The following PRSS2 variants were observed in gnomAD, a reference collection of about 807,000 sequenced individuals.
PRSS2 encodes the protein serine protease 2.
A neutral mutation model predicts 19.2 loss-of-function variants in PRSS2; 19 were observed. The observed-to-expected ratio is 0.99, with a 90% CI of 0.69 to 1.45. The LOEUF is 1.45. Ranked by LOEUF, PRSS2 falls within the 40% of genes most tolerant of loss-of-function variation. The probability of loss-of-function intolerance (pLI) is 0.00; values close to 1 mark genes in which losing one functional copy is unlikely to be tolerated. For missense variants in PRSS2, 288 were observed against 294.4 expected (o/e 0.98, Z 0.16); for synonymous variants, 107 against 117.5 (o/e 0.91, Z 0.58).
rs761731173 is a variant in PRSS2, at chr7:142,772,160, C to T, written c.152C>T (p.Ser51Phe). The change falls in exon 2 of 5, where the codon TCC (serine) becomes TTC (phenylalanine). Residue 51 changes from serine to phenylalanine, a missense_variant. By Grantham distance (155) the Ser-to-Phe change is radical. Coordinates refer to ENST00000539842, the MANE Select transcript of PRSS2 (RefSeq NM_002770.4). ...LNSGYHFCGG[S>F]LISEQWVVSA... is the part of the protein sequence containing the mutation. The stretch of plus-strand genomic sequence containing the variant: ...TCTGGCTACCACTTCTGCGGTGGCT[C>T]CCTCATCAGCGAACAGTGGGTGGTG... 36 of 1,613,754 alleles carry T rather than the reference C, an allele frequency of 2.2e-5. No homozygotes were observed. The highest frequency in any genetic ancestry group is 2.9e-5 in the Non-Finnish European group (34 of 1,179,760).
At chr7:142,772,278 G>A (rs1438360674) in intron 2 of PRSS2, 70 bp downstream of exon 2, 9 of 1,562,860 alleles carry the variant, frequency 5.8e-6, no homozygotes, top group Non-Finnish European at 7.9e-6. Context: ...TCAGCCCAGG[G>A]AAGTACTGAG....
At chr7:142,771,330 CA>C (rs1393907308) in intron 1 of PRSS2, among the ~76,000 whole-genome samples, 1 of 152,140 alleles carries the variant, frequency 6.6e-6, no homozygotes, top group East Asian at 1.9e-4. Flanking sequence ...GACAGCACCA[CA>C]ATAGCACCAC....
Position 142,772,162 on chromosome 7 carries a change from C to A in PRSS2, c.154C>A (p.Leu52Ile), listed in dbSNP as rs767404940. 13 of 1,613,880 alleles carry A rather than the reference C, an allele frequency of 8.1e-6. No individual in the cohort carries two copies. In the African/African-American group the frequency reaches 1.2e-4, roughly 15 times the overall value. Residue 52 changes from leucine (L) to isoleucine (I), a missense_variant, in exon 2 of 5, where the codon CTC becomes ATC. Coordinates refer to ENST00000539842, the MANE Select transcript of PRSS2 (RefSeq NM_002770.4). ...TGGCTACCACTTCTGCGGTGGCTCC[C>A]TCATCAGCGAACAGTGGGTGGTGTC... ...NSGYHFCGGSLISEQWVVSAG... is the reference protein window; with the variant it reads ...NSGYHFCGGSIISEQWVVSAG...
At position 142,773,539 on chromosome 7, in the gene PRSS2, C is replaced by T. The variant is rs943608183; in HGVS notation, c.454+20C>T. ...CTGGTGGTGAGTGGGACCCTTTGTC[C>T]TTCTACTTCCCTCCATCCCACAATT... On this transcript the variant is annotated intron_variant, in intron 3 of 4. Coordinates refer to ENST00000539842, the MANE Select transcript of PRSS2 (RefSeq NM_002770.4). The T allele has an allele frequency of 3.9e-6, 6 of 1,557,842 alleles. No homozygotes were observed. Among genetic ancestry groups the T allele is most frequent in the East Asian group, 2.3e-5 (1 of 44,396 alleles).
chr7:142,772,792 C>T (rs977656854), intron 2 of PRSS2, among the ~76,000 whole-genome samples: 78 of 152,296 alleles, frequency 5.1e-4, no homozygotes, highest in Admixed American at 1.4e-3. Context: ...CAAGAACTTA[C>T]ATTTCTAACA....
intron 4 of PRSS2, 30 bp downstream of exon 4, chr7:142,774,085 C>G: frequency 7.3e-7 from 1 of 1,367,074 alleles, no homozygotes; most frequent in Non-Finnish European, 1.0e-6. Flanking sequence ...TGCTGAGGCT[C>G]CCACTGATAA....
At chr7:142,771,980 G>C (rs769100908) in intron 1 of PRSS2, 69 bp from the exon 2 acceptor site, 4 of 1,493,852 alleles carry the variant, frequency 2.7e-6, no homozygotes, top group Non-Finnish European at 3.7e-6. Flanking sequence ...GCAGGAAGCA[G>C]CCACAGGCTG....
At chr7:142,773,864 T>G (rs1800197484) in intron 3 of PRSS2, 55 bp from the exon 4 acceptor site, 1 of 1,566,250 alleles carries the variant, frequency 6.4e-7, no homozygotes. Flanking sequence ...GACTATTGTC[T>G]CTTTCTCTGG....
chr7:142,773,394 T>C lies in PRSS2; in HGVS notation c.329T>C (p.Leu110Pro). The C allele has an allele frequency of 6.2e-7, 1 of 1,611,776 alleles. No homozygotes were observed. The highest frequency in any genetic ancestry group is 8.5e-7 in the Non-Finnish European group (1 of 1,177,906). Residue 110 changes from leucine to proline, a missense_variant, in exon 3 of 5, where the codon CTG becomes CCG. Transcript: ENST00000539842. ...CGGACTCTGGACAATGACATCCTGC[T>C]GATCAAGCTCTCCTCACCTGCCGTC... The part of the protein sequence containing the change: ...NSRTLDNDIL[L>P]IKLSSPAVIN...
Position 142,772,171 on chromosome 7 carries a change from G to C in PRSS2, c.163G>C (p.Glu55Gln). ...YHFCGGSLIS[E>Q]QWVVSAGHCY... ...CTTCTGCGGTGGCTCCCTCATCAGC[G>C]AACAGTGGGTGGTGTCAGCAGGTCA... The change falls in exon 2 of 5, where the codon GAA becomes CAA. Residue 55 changes from glutamate to glutamine, a missense_variant. Glu to Gln is a conservative substitution (Grantham distance 29, BLOSUM62 2). Transcript: ENST00000539842. The C allele has an allele frequency of 6.2e-7, 1 of 1,613,820 alleles. No homozygotes were observed. Among genetic ancestry groups the C allele is most frequent in the African/African-American group, 1.3e-5 (1 of 75,052 alleles).
intron 1 of PRSS2, among the ~76,000 whole-genome samples, chr7:142,771,822 C>T (rs1392519021): frequency 7.9e-5 from 12 of 152,226 alleles, no homozygotes; most frequent in Non-Finnish European, 1.8e-4. Flanking sequence ...CCTGGTGACC[C>T]CAGGAGAGAT....
intron 2 of PRSS2, among the ~76,000 whole-genome samples, chr7:142,773,054 A>T (rs1439927988): frequency 3.3e-5 from 5 of 151,834 alleles, no homozygotes; most frequent in Non-Finnish European, 7.4e-5. Flanking sequence ...ACTCTTCCCC[A>T]CTCCACTACC....
In PRSS2 at chr7:142,773,910, T is replaced by C; in HGVS notation, c.455-9T>C. 1 of 1,611,446 alleles carries C rather than the reference T, an allele frequency of 6.2e-7. No individual in the cohort carries two copies. The highest frequency in any genetic ancestry group is 8.5e-7 in the Non-Finnish European group (1 of 1,177,588). ...ATTTCTTTCTTTGTTCTCTTCCTGA[T>C]CCTCACAGCCGACTACCCAGACGAG... On this transcript the variant is annotated splice_polypyrimidine_tract_variant and intron_variant, in intron 3 of 4. Coordinates refer to ENST00000539842, the MANE Select transcript of PRSS2 (RefSeq NM_002770.4).
At chr7:142,773,609 G>C in intron 3 of PRSS2, 90 bp downstream of exon 3, 1 of 1,294,266 alleles carries the variant, frequency 7.7e-7, no homozygotes, top group South Asian at 1.3e-5. Flanking sequence ...CTCGCCTCCA[G>C]GCTTAAGACA....
rs765209387 is a variant in PRSS2, at chr7:142,772,058, C to G, written c.50C>G (p.Pro17Arg). ...LTFVAAAVAA[P>R]FDDDDKIVGG... ...CCCATCTCCACTCCAGTTGCTGCCC[C>G]CTTTGATGATGATGACAAGATCGTT... The change falls in exon 2 of 5, where the codon CCC (proline) becomes CGC (arginine). Residue 17 changes from proline to arginine, a missense_variant. Physicochemically the swap from Pro to Arg is moderately radical, Grantham distance 103. Coordinates refer to ENST00000539842, the MANE Select transcript of PRSS2 (RefSeq NM_002770.4). 5 of 1,613,726 alleles carry G rather than the reference C, an allele frequency of 3.1e-6. No individual in the cohort carries two copies. The highest frequency in any genetic ancestry group is 1.3e-5 in the African/African-American group (1 of 74,946).
At chr7:142,773,571 A>G in intron 3 of PRSS2, 52 bp downstream of exon 3, 4 of 1,499,456 alleles carry the variant, frequency 2.7e-6, no homozygotes, top group Non-Finnish European at 3.7e-6. Flanking sequence ...AATTTCCAGA[A>G]CAAACCATGC....
intron 1 of PRSS2, among the ~76,000 whole-genome samples, chr7:142,771,830 G>T (rs989238711): frequency 1.5e-3 from 226 of 152,356 alleles, no homozygotes; most frequent in Admixed American, 0.011. Context: ...CCCCAGGAGA[G>T]ATCTGAACCC....
In PRSS2 at chr7:142,772,192, G is replaced by A; in HGVS notation, c.184G>A (p.Gly62Ser). The change falls in exon 2 of 5, where the codon GGT becomes AGT. Residue 62 changes from glycine to serine, a missense_variant. Coordinates refer to ENST00000539842, the MANE Select transcript of PRSS2 (RefSeq NM_002770.4). ...CAGCGAACAGTGGGTGGTGTCAGCA[G>A]GTCACTGCTACAAGTCGTAAGTGTG... Reference protein sequence around the residue: ...LISEQWVVSAGHCYKSRIQVR... With the variant: ...LISEQWVVSASHCYKSRIQVR... 1 of 1,613,862 alleles carries A rather than the reference G, an allele frequency of 6.2e-7. No individual in the cohort carries two copies. The highest frequency in any genetic ancestry group is 8.5e-7 in the Non-Finnish European group (1 of 1,179,750).
Position 142,774,382 on chromosome 7 carries a change from C to A in PRSS2, c.618C>A (p.Ser206=). 3 of 1,484,344 alleles carry A rather than the reference C, an allele frequency of 2.0e-6. No individual in the cohort carries two copies. The highest frequency in any genetic ancestry group is 2.8e-6 in the Non-Finnish European group (3 of 1,062,220). 91.9% of individuals were successfully genotyped at this position (1,484,344 alleles called of 1,614,324 possible). ...GTGATTCTGGTGGCCCTGTGGTCTC[C>A]AATGGAGAGCTCCAAGGAATTGTCT... ...CQGDSGGPVV[S]NGELQGIVSW... The change falls in exon 5 of 5, where the codon TCC becomes TCA. Residue 206 remains serine (S), a synonymous_variant. Transcript: ENST00000539842.
Sources: gnomAD v4.1 joint callset for allele counts (sites outside exome capture counted in the v4.1 genomes callset) on GRCh38, gnomAD v4.1.1 for gene constraint, MANE v1.5 for transcripts, NCBI Gene and HGNC (gene_info 2026-07-23, HGNC 2026-07-21) for gene names.